DAW1: variants seen among roughly 807,000 people sequenced by gnomAD.
DAW1 encodes the protein dynein assembly factor with WD repeat domains 1.
Under a neutral mutation model 56.5 loss-of-function variants are expected in DAW1, and 47 were observed. The ratio of observed to expected loss-of-function variants is 0.83; its 90% confidence interval spans 0.66 to 1.06. DAW1 has a LOEUF of 1.06. Ranked by LOEUF, DAW1 falls within the 50% of genes least tolerant of loss-of-function variation. The pLI, the probability that DAW1 is intolerant of heterozygous loss-of-function variation, is 0.00. For missense variants in DAW1, 505 were observed against 499.3 expected, an observed-to-expected ratio of 1.01 and a Z score of -0.11; for synonymous variants, 190 against 179.0, an observed-to-expected ratio of 1.06 and a Z score of -0.49.
intron 12 of DAW1, among the ~76,000 whole-genome samples, chr2:227,922,427 T>A (rs1289582667): frequency 1.3e-5 from 2 of 152,192 alleles, no homozygotes; most frequent in East Asian, 3.9e-4. Context: ...AAGATGATGG[T>A]ATCATGTTAG....
intron 1 of DAW1, among the ~76,000 whole-genome samples, chr2:227,874,622 C>G (rs1194827903): frequency 6.6e-6 from 1 of 152,076 alleles, no homozygotes; most frequent in African/African-American, 2.4e-5. Flanking sequence ...GGTTCCTCTT[C>G]TTCTTTTTGA....
In DAW1 at chr2:227,907,125, C is replaced by A; in HGVS notation, c.859-13C>A. 3.9e-6 allele frequency: 6 copies of A among 1,535,496 alleles called. No homozygotes were observed. The African/African-American group carries it at 5.8e-5, about 15-fold the overall frequency. ...AGTCTTTTTTTTTTTGTTTTTTGTTCTTTTAATTGTAGCTGTGGGATGCTA... is the reference window on the plus strand; with the variant it reads ...AGTCTTTTTTTTTTTGTTTTTTGTTATTTTAATTGTAGCTGTGGGATGCTA... On this transcript the variant is annotated splice_polypyrimidine_tract_variant and intron_variant, in intron 9 of 12. Transcript: ENST00000309931.
chr2:227,876,342 C>T lies in DAW1; in HGVS notation c.40+4613C>T, dbSNP rs562607937. On this transcript the variant is annotated intron_variant, in intron 1 of 12. Transcript: ENST00000309931. Reference sequence around the variant, plus strand: ...GCCAAGCCTAGGATTCTTAGGCTCACGTAATTCTCTTGACTCATGTTTGCG... The same window carrying T: ...GCCAAGCCTAGGATTCTTAGGCTCATGTAATTCTCTTGACTCATGTTTGCG... The T allele has an allele frequency of 3.0e-4, 305 of 1,007,650 alleles. 2 individuals are homozygous for T. Among genetic ancestry groups the T allele is most frequent in the South Asian group, 2.5e-3 (153 of 61,776 alleles). 62.4% of individuals were successfully genotyped at this position (1,007,650 alleles called of 1,614,324 possible).
Position 227,883,323 on chromosome 2 carries a change from T to C in DAW1, c.41-2028T>C, listed in dbSNP as rs1257293124. 3.3e-5 allele frequency among the ~76,000 whole-genome samples: 5 copies of C among 152,228 alleles called. No individual in the cohort carries two copies. The East Asian group carries it at 9.6e-4, about 29-fold the overall frequency. On this transcript the variant is annotated intron_variant, in intron 1 of 12. Transcript: ENST00000309931. ...TGATAAAAATTGGTAGTGAAAATGG[T>C]AAATGTTACTTTCTGATATTGTGTG...
chr2:227,878,415 G>T (rs1690935758), intron 1 of DAW1, among the ~76,000 whole-genome samples: 1 of 152,052 alleles, frequency 6.6e-6, no homozygotes, highest in Non-Finnish European at 1.5e-5. Context: ...GATCTTCAAG[G>T]GTTTATATTC....
Position 227,871,634 on chromosome 2 carries a change from G to A in DAW1, c.-56G>A. The A allele has an allele frequency of 6.3e-7, 1 of 1,598,636 alleles. No individual in the cohort carries two copies. The highest frequency in any genetic ancestry group is 8.5e-7 in the Non-Finnish European group (1 of 1,172,398). ...GCATGCGCACCCGCGTCCCGCTGCTGTTTAGCCGTTTCCAAGGCTACGAAG... is the reference window on the plus strand; with the variant it reads ...GCATGCGCACCCGCGTCCCGCTGCTATTTAGCCGTTTCCAAGGCTACGAAG... On this transcript the variant is annotated 5_prime_UTR_variant, in exon 1 of 13. Transcript: ENST00000309931.
intron 6 of DAW1, 93 bp from the exon 7 acceptor site, chr2:227,902,909 T>C (rs1691579376): frequency 7.8e-7 from 1 of 1,275,168 alleles, no homozygotes. Context: ...AGATGGAATC[T>C]GGTAAGGTAA....
At chr2:227,873,693 T>G (rs948318000) in intron 1 of DAW1, among the ~76,000 whole-genome samples, 3 of 152,192 alleles carry the variant, frequency 2.0e-5, no homozygotes, top group Non-Finnish European at 4.4e-5. Flanking sequence ...ATGTAATTAA[T>G]TAATTAATTT....
intron 12 of DAW1, 81 bp downstream of exon 12, chr2:227,921,642 C>T: frequency 7.0e-7 from 1 of 1,422,514 alleles, no homozygotes. Flanking sequence ...AACAGGAGTT[C>T]ATCCCCATTC....
In DAW1 at chr2:227,923,917, G is replaced by C; in HGVS notation, c.1214-17G>C. The C allele has an allele frequency of 6.2e-7, 1 of 1,613,476 alleles. No homozygotes were observed. The highest frequency in any genetic ancestry group is 1.1e-5 in the South Asian group (1 of 90,990). ...GAAATGAAGAAAAAAATAACTGCAT[G>C]AAATCTGTTTTATTAGGCAGCAAGG... On this transcript the variant is annotated splice_polypyrimidine_tract_variant and intron_variant, in intron 12 of 12. Transcript: ENST00000309931.
intron 3 of DAW1, 74 bp from the exon 4 acceptor site, chr2:227,891,181 T>C (rs1691258243): frequency 1.5e-6 from 2 of 1,352,472 alleles, no homozygotes; most frequent in Admixed American, 1.9e-5. Context: ...TTGAATGTCT[T>C]CATTGGTTTG....
chr2:227,913,734 A>G (rs1445625113), intron 10 of DAW1, among the ~76,000 whole-genome samples: 2 of 152,200 alleles, frequency 1.3e-5, no homozygotes, highest in Non-Finnish European at 2.9e-5. Flanking sequence ...GAATCCTTGT[A>G]CACCACATAT....
At chr2:227,892,111 C>T (rs766433351) in intron 4 of DAW1, among the ~76,000 whole-genome samples, 15 of 151,940 alleles carry the variant, frequency 9.9e-5, no homozygotes, top group African/African-American at 1.7e-4. Flanking sequence ...CACCCTACTG[C>T]GGCATGATCT....
At chr2:227,903,154 A>T in intron 7 of DAW1, 45 bp downstream of exon 7, 3 of 1,589,652 alleles carry the variant, frequency 1.9e-6, no homozygotes, top group Non-Finnish European at 2.6e-6. Flanking sequence ...GTTCATTCTT[A>T]TTTGTGTTTT....
At chr2:227,893,709 G>T in intron 4 of DAW1, 86 bp from the exon 5 acceptor site, 1 of 1,508,192 alleles carries the variant, frequency 6.6e-7, no homozygotes, top group South Asian at 1.3e-5. Flanking sequence ...ATAATAAATA[G>T]AGTTATTATC....
At chr2:227,906,125 G>A (rs966197287) in intron 8 of DAW1, 111 bp from the exon 9 acceptor site, 2 of 715,904 alleles carry the variant, frequency 2.8e-6, no homozygotes, top group Admixed American at 6.2e-5. Context: ...ATATTATTTT[G>A]TAAAAACCAG....
rs1185353384 is a variant in DAW1 at position 227,921,409 on chromosome 2, A to G, written c.1061A>G (p.Asn354Ser). Residue 354 changes from asparagine to serine, a missense_variant, in exon 12 of 13, where the codon AAC (asparagine) becomes AGC (serine). Asn to Ser is a conservative substitution (Grantham distance 46, BLOSUM62 1). Transcript: ENST00000309931. ...HEGEISKISF[N>S]PQGNHLLTGS... Reference sequence around the variant, plus strand: ...CTTTCTCTTTTGCAGATTTCTTTCAACCCTCAAGGGAACCATCTTCTAACT... The same window carrying G: ...CTTTCTCTTTTGCAGATTTCTTTCAGCCCTCAAGGGAACCATCTTCTAACT... 1 of 1,600,820 alleles carries G rather than the reference A, an allele frequency of 6.2e-7. No homozygotes were observed. The highest frequency in any genetic ancestry group is 8.5e-7 in the Non-Finnish European group (1 of 1,175,880).
intron 1 of DAW1, among the ~76,000 whole-genome samples, chr2:227,884,384 A>G (rs187032215): frequency 6.6e-6 from 1 of 152,334 alleles, no homozygotes; most frequent in East Asian, 1.9e-4. Flanking sequence ...TTTTTAAAAA[A>G]TTGTATCCTA....
intron 3 of DAW1, 72 bp downstream of exon 3, chr2:227,890,072 C>T: frequency 2.9e-6 from 4 of 1,398,090 alleles, no homozygotes; most frequent in African/African-American, 1.5e-5. Context: ...TTTTTCTTTC[C>T]CTAAAAATAT....
Sources: gnomAD v4.1 joint callset for allele counts (sites outside exome capture counted in the v4.1 genomes callset) on GRCh38, gnomAD v4.1.1 for gene constraint, MANE v1.5 for transcripts, NCBI Gene and HGNC (gene_info 2026-07-23, HGNC 2026-07-21) for gene names.